MARS1: variants seen among roughly 807,000 people sequenced by gnomAD.
MARS1 encodes methionine--tRNA ligase, cytoplasmic.
A neutral mutation model predicts 119.5 loss-of-function variants in MARS1; 80 were observed. The observed-to-expected ratio is 0.67, with a 90% CI of 0.56 to 0.81. MARS1 has a LOEUF of 0.81. Ranked by LOEUF, MARS1 falls within the 30% of genes least tolerant of loss-of-function variation. MARS1 has a pLI of 0.00. For missense variants in MARS1, 945 were observed against 1,116.5 expected (o/e 0.85, Z 2.19); for synonymous variants, 418 against 433.4 (o/e 0.96, Z 0.44).
intron 11 of MARS1, among the ~76,000 whole-genome samples, chr12:57,508,262 G>A (rs548272197): frequency 6.6e-6 from 1 of 152,368 alleles, no homozygotes; most frequent in East Asian, 1.9e-4. Flanking sequence ...ACTGGGTGGC[G>A]GCACGGCAGA....
intron 10 of MARS1, among the ~76,000 whole-genome samples, chr12:57,503,767 C>G (rs779620632): frequency 1.3e-5 from 2 of 152,062 alleles, no homozygotes; most frequent in Non-Finnish European, 2.9e-5. Context: ...GTCTCAATCT[C>G]TTGACCTCAT....
intron 11 of MARS1, among the ~76,000 whole-genome samples, chr12:57,505,706 A>G (rs924948349): frequency 1.3e-5 from 2 of 151,818 alleles, no homozygotes; most frequent in Admixed American, 1.3e-4. Context: ...CAGCTATGCA[A>G]GAGGCTGAGG....
intron 15 of MARS1, 30 bp from the exon 16 acceptor site, chr12:57,514,690 T>C (rs758561350): frequency 6.2e-7 from 1 of 1,613,668 alleles, no homozygotes; most frequent in Non-Finnish European, 8.5e-7. Flanking sequence ...CCCTCTTTTT[T>C]CCACTTCTGC....
chr12:57,507,657 GT>G (rs1412574806), intron 11 of MARS1, among the ~76,000 whole-genome samples: 2 of 113,716 alleles, frequency 1.8e-5, no homozygotes, highest in African/African-American at 3.0e-5. Context: ...CCGGGCGGGG[GT>G]CTGGCCCCCC....
intron 11 of MARS1, among the ~76,000 whole-genome samples, chr12:57,506,997 G>T (rs11831454): frequency 2.0e-5 from 3 of 149,496 alleles, no homozygotes; most frequent in African/African-American, 4.9e-5. Context: ...AGGACCCTGC[G>T]GCCTTCCGCA....
chr12:57,514,735 G>A lies in MARS1; in HGVS notation c.1983G>A (p.Val661=). The A allele has an allele frequency of 6.2e-7, 1 of 1,614,126 alleles. No individual in the cohort carries two copies. The highest frequency in any genetic ancestry group is 8.5e-7 in the Non-Finnish European group (1 of 1,180,020). The change falls in exon 16 of 21, where the codon GTG becomes GTA. Residue 661 remains valine, a synonymous_variant. Coordinates refer to ENST00000262027, the MANE Select transcript of MARS1 (RefSeq NM_004990.4). ...CCCAACCAAGAGCTGGGATGTTTGT[G>A]TCTAAGTTCTTTGGGGGCTATGTGC... is the stretch of plus-strand genomic sequence containing the variant. ...GNFINRAGMF[V]SKFFGGYVPE...
intron 11 of MARS1, among the ~76,000 whole-genome samples, chr12:57,510,152 C>T (rs536132268): frequency 3.9e-5 from 6 of 152,200 alleles, no homozygotes; most frequent in African/African-American, 1.2e-4. Context: ...GTTGGGACTA[C>T]AGGCGTGTAC....
rs1877729945 is a variant in MARS1 at position 57,515,158 on chromosome 12, C to T, written c.2213C>T (p.Ala738Val). ...IKGSEADRQR[A>V]GTVTGLAVNI... ...TGTCTCCTCTTCCTCAGGCAACGGG[C>T]AGGAACAGTGACTGGCTTGGCAGTG... is the stretch of plus-strand genomic sequence containing the variant. The change falls in exon 18 of 21, where the codon GCA becomes GTA. Residue 738 changes from alanine (A) to valine (V), a missense_variant. Physicochemically the swap from Ala to Val is moderately conservative, Grantham distance 64. Transcript: ENST00000262027. The T allele has an allele frequency of 1.9e-6, 3 of 1,614,106 alleles. No homozygotes were observed. The highest frequency in any genetic ancestry group is 2.5e-6 in the Non-Finnish European group (3 of 1,180,046).
chr12:57,516,500 G>A lies in MARS1; in HGVS notation c.2622G>A (p.Ala874=), dbSNP rs201214343. Residue 874 remains alanine, a synonymous_variant, in exon 21 of 21, where the codon GCG becomes GCA. Coordinates refer to ENST00000262027, the MANE Select transcript of MARS1 (RefSeq NM_004990.4). ...AGAACGAGGTTGCTGCGGAGGTGGC[G>A]AAACTCTTGGATCTAAAGAAACAGT... ...ADKNEVAAEV[A]KLLDLKKQLA... 3.3e-5 allele frequency: 54 copies of A among 1,613,784 alleles called. No homozygotes were observed. In the East Asian group the frequency reaches 6.9e-4, roughly 21 times the overall value.
intron 9 of MARS1, 34 bp from the exon 10 acceptor site, chr12:57,500,287 C>T (rs757912263): frequency 6.3e-7 from 1 of 1,592,148 alleles, no homozygotes; most frequent in South Asian, 1.1e-5. Flanking sequence ...CGTCTTCTGA[C>T]TGTCTCTTCC....
chr12:57,516,648 A>T lies in MARS1; in HGVS notation c.*67A>T, dbSNP rs946870956. 7.2e-6 allele frequency: 11 copies of T among 1,526,990 alleles called. No individual in the cohort carries two copies. Among genetic ancestry groups the T allele is most frequent in the Middle Eastern group, 3.5e-4 (2 of 5,636 alleles). The allele number at this position is 1,526,990 out of a possible 1,614,324, so 94.6% of individuals were successfully genotyped here. On this transcript the variant is annotated 3_prime_UTR_variant, in exon 21 of 21. Transcript: ENST00000262027. ...AGTAATAAATAAATGTACAATCTCT[A>T]TATACAAGCTGAGACCTTTCCTTTT... is the stretch of plus-strand genomic sequence containing the variant.
In MARS1 at chr12:57,514,944, C is replaced by T. The variant is rs766170497; in HGVS notation, c.2100-10C>T. 4 of 1,614,036 alleles carry T rather than the reference C, an allele frequency of 2.5e-6. No individual in the cohort carries two copies. In the Admixed American group the frequency reaches 6.7e-5, roughly 27 times the overall value. The stretch of plus-strand genomic sequence containing the variant: ...GACATTACACCTTGGCCTGCTTCCT[C>T]CCTTCCCAGGATCCGGGATGCCTTG... On this transcript the variant is annotated splice_polypyrimidine_tract_variant and intron_variant, in intron 16 of 20. Coordinates refer to ENST00000262027, the MANE Select transcript of MARS1 (RefSeq NM_004990.4).
Position 57,511,809 on chromosome 12 carries a change from T to C in MARS1, c.1480T>C (p.Cys494Arg). ...SWLRDGLKPR[C>R]ITRDLKWGTP... ...GCTTCGGGATGGCCTCAAGCCACGC[T>C]GCATAACCCGAGACCTCAAATGGGG... Residue 494 changes from cysteine to arginine, a missense_variant, in exon 12 of 21, where the codon TGC becomes CGC. By Grantham distance (180) the Cys-to-Arg change is radical. Coordinates refer to ENST00000262027, the MANE Select transcript of MARS1 (RefSeq NM_004990.4). The C allele has an allele frequency of 6.2e-7, 1 of 1,614,208 alleles. No homozygotes were observed. Among genetic ancestry groups the C allele is most frequent in the Non-Finnish European group, 8.5e-7 (1 of 1,180,024 alleles).
intron 11 of MARS1, among the ~76,000 whole-genome samples, chr12:57,506,848 G>A (rs1037666657): frequency 1.3e-4 from 17 of 133,818 alleles, no homozygotes; most frequent in Non-Finnish European, 2.3e-4. Flanking sequence ...GCTAATTTTT[G>A]TCTTTTTTTT....
rs761131110 is a variant in MARS1, at chr12:57,489,493, G to A, written c.349G>A (p.Val117Met). 1.2e-6 allele frequency: 2 copies of A among 1,614,196 alleles called. No homozygotes were observed. Among genetic ancestry groups the A allele is most frequent in the African/African-American group, 2.7e-5 (2 of 75,034 alleles). Residue 117 changes from valine to methionine, a missense_variant, in exon 4 of 21, where the codon GTG becomes ATG. By Grantham distance (21) the Val-to-Met change is conservative. Transcript: ENST00000262027. ...GAAGGGGGAAGATGTTCTTGGTTCA[G>A]TGCGGAGAGCCCTGACTCACATTGA... ...GKKGEDVLGS[V>M]RRALTHIDHS...
At chr12:57,512,723 T>C (rs749309976) in intron 14 of MARS1, 28 bp from the exon 15 acceptor site, 1 of 1,547,422 alleles carries the variant, frequency 6.5e-7, no homozygotes, top group Non-Finnish European at 8.9e-7. Flanking sequence ...TGTGAGCAGA[T>C]GGTTCTCACT....
intron 7 of MARS1, among the ~76,000 whole-genome samples, chr12:57,496,225 G>C (rs1428537673): frequency 6.7e-6 from 1 of 148,358 alleles, no homozygotes; most frequent in African/African-American, 2.5e-5. Context: ...AGTGAGTGGC[G>C]CAATCTAGGC....
chr12:57,511,142 T>A (rs147762059), intron 11 of MARS1, among the ~76,000 whole-genome samples: 6 of 149,044 alleles, frequency 4.0e-5, no homozygotes, highest in African/African-American at 9.8e-5. Context: ...TTTTAAAAAT[T>A]AAAAAAAAAA....
chr12:57,496,283 C>A (rs918423659), intron 7 of MARS1, among the ~76,000 whole-genome samples: 3 of 151,682 alleles, frequency 2.0e-5, no homozygotes, highest in Non-Finnish European at 4.4e-5. Flanking sequence ...CCTGTCTCAG[C>A]CCCCCGAGTA....
Sources: allele counts gnomAD v4.1 joint callset (sites outside exome capture counted in the v4.1 genomes callset), GRCh38; gene constraint gnomAD v4.1.1; transcripts MANE v1.5; gene names NCBI Gene and HGNC (gene_info 2026-07-23, HGNC 2026-07-21).